Variants in AGMO observed in about 807,000 individuals in gnomAD.
The protein encoded by AGMO is glyceryl-ether monooxygenase.
A neutral mutation model predicts 60.2 loss-of-function variants in AGMO; 75 were observed. The observed-to-expected ratio is 1.25, with a 90% CI of 1.03 to 1.51. The LOEUF is 1.51. Among genes scored for constraint, AGMO ranks in the 40% most tolerant of loss-of-function variants. The probability of loss-of-function intolerance (pLI) is 0.00; values close to 1 mark genes in which losing one functional copy is unlikely to be tolerated. For missense variants in AGMO, 763 were observed against 525.5 expected (o/e 1.45, Z -4.42); for synonymous variants, 261 against 177.1 (o/e 1.47, Z -3.76).
chr7:15,198,251 G>GAGAC (rs1563030503), downstream of AGMO, among the ~76,000 whole-genome samples: 104 of 74,194 alleles, frequency 1.4e-3, no homozygotes, highest in African/African-American at 3.4e-3. Context: ...GAGAGAGAGA[G>GAGAC]AGAGACAGAG....
intron 3 of AGMO, among the ~76,000 whole-genome samples, chr7:15,484,768 G>A (rs572832010): frequency 6.6e-6 from 1 of 152,226 alleles, no homozygotes; most frequent in South Asian, 2.1e-4. Context: ...GGGGGTCAAA[G>A]CATTTCTAAA....
At chr7:15,216,923 TACATATCTC>T (rs749683042) in intron 12 of AGMO, among the ~76,000 whole-genome samples, 2 of 152,108 alleles carry the variant, frequency 1.3e-5, no homozygotes, top group Non-Finnish European at 1.5e-5. Context: ...AATATAGATG[TACATATCTC>T]ACACCCTCAA....
chr7:15,173,578 A>G, the AGMO span, among the ~76,000 whole-genome samples: 4 of 152,114 alleles, frequency 2.6e-5, no homozygotes, highest in Non-Finnish European at 4.4e-5. Flanking sequence ...ATGTGAAGAC[A>G]ATACAATAAA....
rs10238331 is a variant in AGMO, at chr7:15,365,757, A to T, written c.1158-138T>A. The T allele has an allele frequency of 0.5, 301,996 of 608,802 alleles. 78,670 individuals carry two copies. The highest frequency in any genetic ancestry group is 0.75 in the African/African-American group (39,506 of 52,530). 37.7% of individuals were successfully genotyped at this position (608,802 alleles called of 1,614,324 possible). On this transcript the variant is annotated intron_variant, in intron 11 of 12. Coordinates refer to ENST00000342526, the MANE Select transcript of AGMO (RefSeq NM_001004320.2). ...ATTTGAAAAGCATGTCCCCTGAAGC[A>T]ATTTGAAAACAGTGATTAAGAAAGA...
At chr7:15,470,226 C>T (rs778333352) in intron 3 of AGMO, among the ~76,000 whole-genome samples, 6 of 151,906 alleles carry the variant, frequency 3.9e-5, no homozygotes, top group Non-Finnish European at 5.9e-5. Flanking sequence ...GATATTTAAT[C>T]ATTAGAAGAT....
At chr7:15,437,791 C>T (rs888369519) in intron 3 of AGMO, among the ~76,000 whole-genome samples, 1 of 152,096 alleles carries the variant, frequency 6.6e-6, no homozygotes, top group Non-Finnish European at 1.5e-5. Flanking sequence ...CCGCCCGCCT[C>T]GGCCTCACAA....
At chr7:15,214,102 AG>A (rs1467700001) in intron 12 of AGMO, among the ~76,000 whole-genome samples, 1 of 152,000 alleles carries the variant, frequency 6.6e-6, no homozygotes, top group Non-Finnish European at 1.5e-5. Context: ...GACATAAAGG[AG>A]GGAGAGAGAC....
chr7:15,184,291 AAGGGAGGCAGGCAGGG>A, the AGMO span, among the ~76,000 whole-genome samples: 10 of 72,100 alleles, frequency 1.4e-4, no homozygotes, highest in South Asian at 5.0e-4. Context: ...GGAAGGAAGG[AAGGGAGGCAGGCAGGG>A]AGGGAGGGAA....
At chr7:15,560,352 A>AT (rs1167681089) in intron 1 of AGMO, 81 bp from the exon 2 acceptor site, 13 of 1,473,030 alleles carry the variant, frequency 8.8e-6, no homozygotes, top group African/African-American at 1.4e-5. Context: ...TCATTTCAGA[A>AT]TTGAAAGGCC....
chr7:15,543,564 A>G (rs766778224), intron 3 of AGMO, among the ~76,000 whole-genome samples: 6 of 152,118 alleles, frequency 3.9e-5, no homozygotes, highest in Non-Finnish European at 8.8e-5. Context: ...TGAACTTACT[A>G]TAATAGAACA....
chr7:15,555,895 A>G (rs1189263824), intron 2 of AGMO, among the ~76,000 whole-genome samples: 1 of 152,028 alleles, frequency 6.6e-6, no homozygotes, highest in African/African-American at 2.4e-5. Flanking sequence ...TAACAAACCA[A>G]CAAGTTTTTA....
intron 12 of AGMO, among the ~76,000 whole-genome samples, chr7:15,265,026 A>C (rs4484584): frequency 0.78 from 118,687 of 152,046 alleles, 47,001 homozygotes; most frequent in African/African-American, 0.9. Context: ...GACATGGAAT[A>C]AACCTATGTG....
chr7:15,139,056 G>T, the AGMO span, among the ~76,000 whole-genome samples: 1 of 152,010 alleles, frequency 6.6e-6, no homozygotes, highest in African/African-American at 2.4e-5. Context: ...CTTCCTATCT[G>T]CTCTTCTTCC....
the AGMO span, among the ~76,000 whole-genome samples, chr7:15,178,038 T>C: frequency 6.6e-6 from 1 of 152,166 alleles, no homozygotes; most frequent in Non-Finnish European, 1.5e-5. Context: ...TCCACTCTTC[T>C]TACCCCTCCT....
chr7:15,502,607 T>G (rs1026245715), intron 3 of AGMO, among the ~76,000 whole-genome samples: 5 of 151,714 alleles, frequency 3.3e-5, no homozygotes, highest in African/African-American at 1.2e-4. Context: ...CCCTAGGAAA[T>G]GCCGGGGTAA....
chr7:15,187,963 A>G, the AGMO span, among the ~76,000 whole-genome samples: 1 of 152,164 alleles, frequency 6.6e-6, no homozygotes, highest in South Asian at 2.1e-4. Flanking sequence ...AAATCTTAAC[A>G]GTGCTCAACT....
At chr7:15,409,358 A>C (rs923558714) in intron 5 of AGMO, among the ~76,000 whole-genome samples, 1 of 151,912 alleles carries the variant, frequency 6.6e-6, no homozygotes, top group African/African-American at 2.4e-5. Flanking sequence ...TAACAAGTGA[A>C]ACCCAGATAA....
chr7:15,275,839 G>C (rs1015650620), intron 12 of AGMO, among the ~76,000 whole-genome samples: 1 of 152,024 alleles, frequency 6.6e-6, no homozygotes, highest in Non-Finnish European at 1.5e-5. Flanking sequence ...TGTTTTATCT[G>C]ATATAATAAT....
intron 10 of AGMO, among the ~76,000 whole-genome samples, chr7:15,371,553 C>A (rs954673410): frequency 6.6e-6 from 1 of 152,062 alleles, no homozygotes; most frequent in Non-Finnish European, 1.5e-5. Flanking sequence ...ACCTTACATA[C>A]CCGACTAATT....
Sources: gnomAD v4.1 joint callset for allele counts (sites outside exome capture counted in the v4.1 genomes callset) on GRCh38, gnomAD v4.1.1 for gene constraint, MANE v1.5 for transcripts, NCBI Gene and HGNC (gene_info 2026-07-23, HGNC 2026-07-21) for gene names.